The following DIS3L2 variants were observed in gnomAD, a reference collection of about 807,000 sequenced individuals.
The protein encoded by DIS3L2 is DIS3-like exonuclease 2.
In DIS3L2, 34 loss-of-function variants were observed where a neutral mutation model predicts 97.5. That is an observed-to-expected ratio of 0.35 (90% CI 0.27 to 0.46). The LOEUF is 0.46. Ranked by LOEUF, DIS3L2 falls within the 20% of genes least tolerant of loss-of-function variation. The pLI is 1.00. For missense variants in DIS3L2, 1,038 were observed against 1,146.0 expected, an observed-to-expected ratio of 0.91 and a Z score of 1.36; for synonymous variants, 435 against 445.2, an observed-to-expected ratio of 0.98 and a Z score of 0.29.
intron 6 of DIS3L2, among the ~76,000 whole-genome samples, chr2:232,118,770 A>T (rs980413650): frequency 1.3e-5 from 2 of 152,242 alleles, no homozygotes; most frequent in Non-Finnish European, 2.9e-5. Flanking sequence ...GGAGTGGTCC[A>T]TGTTAGCCTG....
chr2:232,218,477 G>C (rs1006128362), intron 10 of DIS3L2, among the ~76,000 whole-genome samples: 3 of 152,164 alleles, frequency 2.0e-5, no homozygotes, highest in Non-Finnish European at 4.4e-5. Flanking sequence ...GCCGGGTGTG[G>C]TGGCTCACAC....
In DIS3L2 at chr2:232,325,682, C is replaced by A. The variant is rs1223587125; in HGVS notation, c.1740-4131C>A. On this transcript the variant is annotated intron_variant, in intron 14 of 20. Transcript: ENST00000325385. This position sits in a 1 kb window ranked among gnomAD's most constrained non-coding sequence, Gnocchi z 4.6. ...GCTGATGCCAGGCCTGGATCCAAGG[C>A]CCCCGTCTCCGAGGCCTTAGCTTGC... Among the ~76,000 whole-genome samples, 1 of 152,192 alleles carries A rather than the reference C, an allele frequency of 6.6e-6. No individual in the cohort carries two copies. The highest frequency in any genetic ancestry group is 1.5e-5 in the Non-Finnish European group (1 of 68,012).
intron 6 of DIS3L2, among the ~76,000 whole-genome samples, chr2:232,091,910 G>T (rs1287104724): frequency 9.9e-5 from 15 of 152,098 alleles, no homozygotes. Context: ...ATGATGTTGA[G>T]CACTTTTCTG....
chr2:232,078,385 C>G (rs115681701), intron 5 of DIS3L2, among the ~76,000 whole-genome samples: 64 of 152,176 alleles, frequency 4.2e-4, no homozygotes, highest in Middle Eastern at 3.4e-3. Context: ...CCTTCCCCCC[C>G]GCCCCGCTCC....
chr2:232,262,570 T>C (rs1328448493), intron 12 of DIS3L2, among the ~76,000 whole-genome samples: 1 of 152,168 alleles, frequency 6.6e-6, no homozygotes, highest in Non-Finnish European at 1.5e-5. Flanking sequence ...ATCCAGTGGA[T>C]AGAGGCCAGG....
chr2:232,191,036 CT>C (rs1691606454), intron 9 of DIS3L2, among the ~76,000 whole-genome samples: 1 of 152,176 alleles, frequency 6.6e-6, no homozygotes, highest in Non-Finnish European at 1.5e-5. Flanking sequence ...CTTTGGATAT[CT>C]CAAGAGTCAT....
intron 9 of DIS3L2, among the ~76,000 whole-genome samples, chr2:232,171,416 C>T (rs2106172462): frequency 6.6e-6 from 1 of 152,250 alleles, no homozygotes; most frequent in East Asian, 1.9e-4. Flanking sequence ...AATGTCTTTT[C>T]TGAGTTATTT....
rs577925507 is a variant in DIS3L2, at chr2:232,238,755, G to A, written c.1317+110G>A. ...TGTTCTCCGGAAAGAGAAGCCAAAG[G>A]AAGACACAGGTGTTCATCTGAGGCC... On this transcript the variant is annotated intron_variant, in intron 11 of 20. Coordinates refer to ENST00000325385, the MANE Select transcript of DIS3L2 (RefSeq NM_152383.5). The A allele has an allele frequency of 4.2e-6, 4 of 961,962 alleles. No individual in the cohort carries two copies. The African/African-American group carries it at 4.9e-5, about 12-fold the overall frequency. 59.6% of individuals were successfully genotyped at this position (961,962 alleles called of 1,614,324 possible). A position where few individuals can be genotyped will look rare whatever the true frequency, so the allele number is the denominator to read the frequency against.
At chr2:232,343,273 TCACTGGAATTG>T in intron 13 of DIS3L2, 1 of 1,323,270 alleles carries the variant, frequency 7.6e-7, no homozygotes, top group South Asian at 1.4e-5. Flanking sequence ...GGCTCACCTT[TCACTGGAATTG>T]CAAAGGCCTA....
At position 231,986,474 on chromosome 2, in the gene DIS3L2, T is replaced by A. The variant is rs188549177; in HGVS notation, c.-94+24709T>A. Among the ~76,000 whole-genome samples, 321 of 152,322 alleles carry A rather than the reference T, an allele frequency of 2.1e-3. 2 individuals carry two copies. The highest frequency in any genetic ancestry group is 7.3e-3 in the African/African-American group (304 of 41,580). ...ACGTCCCTTTTAGCATCTTGTCCCC[T>A]TCTAGTACAGGGGCTGGTCTGGGTC... On this transcript the variant is annotated intron_variant, in intron 1 of 20. Transcript: ENST00000325385.
intron 3 of DIS3L2, among the ~76,000 whole-genome samples, chr2:232,016,181 A>T (rs921797468): frequency 2.0e-5 from 3 of 152,208 alleles, no homozygotes; most frequent in Non-Finnish European, 4.4e-5. Context: ...ACAACAATAG[A>T]CAGTATTTGT....
intron 14 of DIS3L2, chr2:232,329,603 G>A (rs905043752): frequency 7.7e-5 from 36 of 469,264 alleles, no homozygotes; most frequent in East Asian, 4.8e-4. Context: ...AGGAGAAGGC[G>A]GTGTAGACCA....
At chr2:232,049,546 G>T (rs1574837251) in intron 5 of DIS3L2, among the ~76,000 whole-genome samples, 1 of 152,120 alleles carries the variant, frequency 6.6e-6, no homozygotes, top group East Asian at 1.9e-4. Context: ...TGATGACACA[G>T]CAAGAAAGCC....
chr2:232,054,749 GT>G (rs904277897), intron 5 of DIS3L2, among the ~76,000 whole-genome samples: 2 of 152,114 alleles, frequency 1.3e-5, no homozygotes, highest in Non-Finnish European at 2.9e-5. Context: ...ACAGAAAAAT[GT>G]TTTTTGAGGC....
chr2:232,070,716 C>T (rs1276192428), intron 5 of DIS3L2, among the ~76,000 whole-genome samples: 1 of 151,994 alleles, frequency 6.6e-6, no homozygotes, highest in Non-Finnish European at 1.5e-5. Flanking sequence ...TCCCTAGTAG[C>T]TGGGACTACA....
chr2:232,332,372 A>G (rs1199823094), intron 16 of DIS3L2, among the ~76,000 whole-genome samples: 1 of 152,186 alleles, frequency 6.6e-6, no homozygotes, highest in South Asian at 2.1e-4. Flanking sequence ...CCGTGTGCAC[A>G]GAGTAACGGG....
intron 13 of DIS3L2, among the ~76,000 whole-genome samples, chr2:232,289,205 G>A (rs1423124393): frequency 2.0e-5 from 3 of 151,966 alleles, no homozygotes. Context: ...ACAGTGGACA[G>A]CGTTTGCATT....
chr2:232,027,084 G>A (rs555366101), intron 4 of DIS3L2, among the ~76,000 whole-genome samples: 1 of 152,196 alleles, frequency 6.6e-6, no homozygotes, highest in East Asian at 1.9e-4. Context: ...CTTGCTTTGT[G>A]GGTTTCAGTT....
intron 5 of DIS3L2, among the ~76,000 whole-genome samples, chr2:232,072,667 C>G (rs1481159385): frequency 1.3e-5 from 2 of 152,058 alleles, no homozygotes; most frequent in Non-Finnish European, 2.9e-5. Flanking sequence ...AGGGTAGAAG[C>G]AGGGAGACCC....
Sources: gnomAD v4.1 joint callset for allele counts (sites outside exome capture counted in the v4.1 genomes callset) on GRCh38, gnomAD v4.1.1 for gene constraint, Gnocchi (gnomAD v3.1) non-coding constraint, MANE v1.5 for transcripts, NCBI Gene and HGNC (gene_info 2026-07-23, HGNC 2026-07-21) for gene names.